The following PCDH7 variants were observed in gnomAD, a reference collection of about 807,000 sequenced individuals.
PCDH7 encodes the protein protocadherin-7.
In PCDH7, 17 loss-of-function variants were observed where a neutral mutation model predicts 58.9. The ratio of observed to expected loss-of-function variants is 0.29; its 90% CI spans 0.20 to 0.43. PCDH7 has a LOEUF of 0.43. Ranked by LOEUF, PCDH7 falls within the 20% of genes least tolerant of loss-of-function variation. PCDH7 has a pLI of 1.00. For missense variants in PCDH7, 1,274 were observed against 1,441.0 expected (o/e 0.88, Z 1.88); for synonymous variants, 664 against 616.4 (o/e 1.08, Z -1.14).
At chr4:31,004,770 TC>T (rs138669195) in intron 3 of PCDH7, among the ~76,000 whole-genome samples, 1,527 of 152,296 alleles carry the variant, frequency 0.01, 16 homozygotes, top group Non-Finnish European at 0.016. Context: ...AGTCTTTTTT[TC>T]AGCAATCCTA....
intron 3 of PCDH7, among the ~76,000 whole-genome samples, chr4:31,123,859 A>G (rs2173550): frequency 0.066 from 10,026 of 152,046 alleles, 374 homozygotes; most frequent in South Asian, 0.11. Context: ...GGAGAGGAGG[A>G]CAAACTCCTC....
At chr4:30,749,936 A>T (rs1196197975) in intron 1 of PCDH7, among the ~76,000 whole-genome samples, 5 of 152,194 alleles carry the variant, frequency 3.3e-5, no homozygotes, top group Admixed American at 1.3e-4. Context: ...AAAAATGATT[A>T]TAATAACATC....
chr4:31,111,191 A>G lies in PCDH7; in HGVS notation c.*8-31282A>G, dbSNP rs188724899. On this transcript the variant is annotated intron_variant, in intron 3 of 3. Transcript: ENST00000509759. Reference sequence around the variant, plus strand: ...AACTGCAAACAAATATCCTTGATGTACCTTATATGTAGCCCAAAGTGTATT... The same window carrying G: ...AACTGCAAACAAATATCCTTGATGTGCCTTATATGTAGCCCAAAGTGTATT... Among the ~76,000 whole-genome samples the G allele has an allele frequency of 1.7e-4, 26 of 152,092 alleles. 1 individual carries two copies. The East Asian group carries it at 5.0e-3, about 30-fold the overall frequency.
At chr4:30,908,391 A>G (rs1741278294) in intron 1 of PCDH7, among the ~76,000 whole-genome samples, 1 of 152,194 alleles carries the variant, frequency 6.6e-6, no homozygotes, top group African/African-American at 2.4e-5. Flanking sequence ...GATTAATTAG[A>G]GAATGTACAG....
chr4:30,764,865 C>T (rs1367628456), intron 1 of PCDH7, among the ~76,000 whole-genome samples: 1 of 151,934 alleles, frequency 6.6e-6, no homozygotes, highest in Non-Finnish European at 1.5e-5. Context: ...GGATTATAGG[C>T]ACACACCACC....
chr4:30,964,666 A>G (rs1336087752), intron 3 of PCDH7, among the ~76,000 whole-genome samples: 2 of 149,392 alleles, frequency 1.3e-5, no homozygotes, highest in African/African-American at 2.5e-5. Flanking sequence ...CAGCAGATGT[A>G]CAGTTTCAGA....
chr4:30,825,975 C>T (rs986124755), intron 1 of PCDH7, among the ~76,000 whole-genome samples: 10 of 152,020 alleles, frequency 6.6e-5, no homozygotes, highest in African/African-American at 1.7e-4. Context: ...AAGCTGTTCT[C>T]GCCTTCCCTC....
At chr4:30,838,758 A>T in intron 1 of PCDH7, among the ~76,000 whole-genome samples, 1 of 152,134 alleles carries the variant, frequency 6.6e-6, no homozygotes, top group East Asian at 1.9e-4. Flanking sequence ...GTGGCAGAAC[A>T]GTGATTTACA....
At chr4:31,146,588 G>A (rs1178205461), downstream of PCDH7, 1 of 152,022 alleles carries the variant, frequency 6.6e-6, no homozygotes, top group Non-Finnish European at 1.5e-5. Flanking sequence ...CTGCTACTTG[G>A]ATGTTGATAG....
intron 3 of PCDH7, among the ~76,000 whole-genome samples, chr4:31,064,450 G>A (rs1757924367): frequency 6.6e-6 from 1 of 151,952 alleles, no homozygotes. Flanking sequence ...CAAGTACCAT[G>A]AATAGGGTGG....
Position 31,012,301 on chromosome 4 carries a change from G to T in PCDH7, c.*7+62086G>T, listed in dbSNP as rs973105172. ...TTTCAAGGTTATATAAATAATATTCGTTTTATTTTTCTAATTTATTTGTCA... is the reference window on the plus strand; with the variant it reads ...TTTCAAGGTTATATAAATAATATTCTTTTTATTTTTCTAATTTATTTGTCA... On this transcript the variant is annotated intron_variant, in intron 3 of 3. Transcript: ENST00000509759. 5.2e-4 allele frequency among the ~76,000 whole-genome samples: 79 copies of T among 151,962 alleles called. 1 individual carries two copies. The highest frequency in any genetic ancestry group is 1.9e-3 in the African/African-American group (78 of 41,454).
At chr4:31,139,397 G>A (rs1173498875) in intron 3 of PCDH7, among the ~76,000 whole-genome samples, 1 of 152,100 alleles carries the variant, frequency 6.6e-6, no homozygotes, top group Admixed American at 6.6e-5. Flanking sequence ...CAGTACTAAA[G>A]CATAAAATAA....
chr4:30,852,322 A>G (rs1732870633), intron 1 of PCDH7, among the ~76,000 whole-genome samples: 1 of 152,104 alleles, frequency 6.6e-6, no homozygotes, highest in East Asian at 1.9e-4. Context: ...GGATTTAGCA[A>G]TGTGCCTAAG....
At chr4:31,016,921 G>A (rs897771983) in intron 3 of PCDH7, among the ~76,000 whole-genome samples, 9 of 150,434 alleles carry the variant, frequency 6.0e-5, no homozygotes, top group Non-Finnish European at 1.3e-4. Context: ...CTGTGTGTGT[G>A]TACTGGGTGT....
chr4:30,765,125 C>CTTATTTTTTTTT (rs1720565772), intron 1 of PCDH7, among the ~76,000 whole-genome samples: 1 of 49,198 alleles, frequency 2.0e-5, no homozygotes, highest in Non-Finnish European at 3.6e-5. Context: ...ACTTCAGATG[C>CTTATTTTTTTTT]TTTTTTTTTT....
At chr4:30,777,798 T>G (rs1348921) in intron 1 of PCDH7, among the ~76,000 whole-genome samples, 1 of 151,990 alleles carries the variant, frequency 6.6e-6, no homozygotes, top group Non-Finnish European at 1.5e-5. Flanking sequence ...TAAAGAGGTA[T>G]CTGGTAGTAT....
intron 1 of PCDH7, among the ~76,000 whole-genome samples, chr4:30,791,158 G>C (rs1724077601): frequency 6.6e-6 from 1 of 152,060 alleles, no homozygotes; most frequent in Non-Finnish European, 1.5e-5. Context: ...AGCGTTCACA[G>C]CCTAATGGGG....
At chr4:31,051,032 C>T (rs28495143) in intron 3 of PCDH7, among the ~76,000 whole-genome samples, 5,060 of 152,126 alleles carry the variant, frequency 0.033, 255 homozygotes, top group African/African-American at 0.11. Context: ...AATTATTTAT[C>T]TATTTAACTG....
At chr4:30,772,849 C>T (rs938697310) in intron 1 of PCDH7, among the ~76,000 whole-genome samples, 61 of 152,096 alleles carry the variant, frequency 4.0e-4, no homozygotes, top group African/African-American at 1.3e-3. Context: ...TCTTGTTAAT[C>T]CTAACAATTC....
Sources: gnomAD v4.1 joint callset for allele counts (sites outside exome capture counted in the v4.1 genomes callset) on GRCh38, gnomAD v4.1.1 for gene constraint, MANE v1.5 for transcripts, NCBI Gene and HGNC (gene_info 2026-07-23, HGNC 2026-07-21) for gene names.